Variants in B3GALT1 observed in about 807,000 individuals in gnomAD.
B3GALT1 encodes the protein UDP-Gal:betaGlcNAc beta 1,3-galactosyltransferase, polypeptide 1.
Under a neutral mutation model 23.2 loss-of-function variants are expected in B3GALT1, and 10 were observed. That is an observed-to-expected ratio of 0.43 (90% CI 0.27 to 0.73). B3GALT1 has a LOEUF of 0.73. B3GALT1 is among the 30% of genes least tolerant of loss of function. B3GALT1 has a pLI of 0.21. For missense variants in B3GALT1, 299 were observed against 405.4 expected (o/e 0.74, Z 2.25); for synonymous variants, 156 against 141.5 (o/e 1.10, Z -0.73).
intron 1 of B3GALT1, among the ~76,000 whole-genome samples, chr2:167,450,429 CTG>C (rs1202412118): frequency 6.6e-6 from 1 of 152,094 alleles, no homozygotes; most frequent in Non-Finnish European, 1.5e-5. Context: ...CTGAAAAAGA[CTG>C]TGTCTTTCCT....
intron 1 of B3GALT1, among the ~76,000 whole-genome samples, chr2:167,450,978 G>T (rs1559100996): frequency 1.3e-5 from 2 of 151,842 alleles, no homozygotes; most frequent in African/African-American, 2.4e-5. Context: ...TGCTTGTTCA[G>T]TTCTGTTAAT....
chr2:167,617,357 A>G (rs1179676413), intron 2 of B3GALT1, among the ~76,000 whole-genome samples: 4 of 152,118 alleles, frequency 2.6e-5, no homozygotes, highest in African/African-American at 7.2e-5. Context: ...CAAAACTCAC[A>G]TATTCACTCT....
At chr2:167,689,210 T>G (rs181363670) in intron 3 of B3GALT1, among the ~76,000 whole-genome samples, 85 of 150,038 alleles carry the variant, frequency 5.7e-4, no homozygotes, top group African/African-American at 1.9e-3. Flanking sequence ...CAAAACAGTT[T>G]GAATGACAGT....
At position 167,835,389 on chromosome 2, in the gene B3GALT1, C is replaced by A. The variant is rs535584264; in HGVS notation, c.-230+16596C>A. Among the ~76,000 whole-genome samples, 118 of 152,342 alleles carry A rather than the reference C, an allele frequency of 7.7e-4. 1 individual carries two copies. Among genetic ancestry groups the A allele is most frequent in the African/African-American group, 2.5e-3 (103 of 41,576 alleles). On this transcript the variant is annotated intron_variant, in intron 4 of 4. Transcript: ENST00000392690. ...CGCACCAGGAGATTATATCCTGCACCTGGCTTGGAGGGTCCTATGCCCACG... is the reference window on the plus strand; with the variant it reads ...CGCACCAGGAGATTATATCCTGCACATGGCTTGGAGGGTCCTATGCCCACG...
Position 167,404,960 on chromosome 2 carries a change from C to G in B3GALT1, c.-510-85217C>G, listed in dbSNP as rs533484203. The stretch of plus-strand genomic sequence containing the variant: ...AATTTATAAACTCATTTTGCTGTTA[C>G]GAGCACAGGAAAAAATCCCGAATGT... On this transcript the variant is annotated intron_variant, in intron 1 of 4. Coordinates refer to ENST00000392690, the MANE Select transcript of B3GALT1 (RefSeq NM_020981.4). Among the ~76,000 whole-genome samples, 12 of 152,178 alleles carry G rather than the reference C, an allele frequency of 7.9e-5. No individual in the cohort carries two copies. In the South Asian group the frequency reaches 1.5e-3, roughly 18 times the overall value.
At chr2:167,765,130 T>TA (rs1280493002) in intron 3 of B3GALT1, among the ~76,000 whole-genome samples, 3 of 152,154 alleles carry the variant, frequency 2.0e-5, no homozygotes, top group Non-Finnish European at 4.4e-5. Flanking sequence ...ATTATGATTG[T>TA]GTAAAGTGGC....
chr2:167,760,021 T>C (rs982225613), intron 3 of B3GALT1, among the ~76,000 whole-genome samples: 6 of 152,112 alleles, frequency 3.9e-5, no homozygotes, highest in African/African-American at 1.4e-4. Flanking sequence ...TTAGCTCAAG[T>C]TTTTCTATCA....
chr2:167,501,261 GT>G (rs1699844275), intron 2 of B3GALT1, among the ~76,000 whole-genome samples: 1 of 151,748 alleles, frequency 6.6e-6, no homozygotes, highest in Non-Finnish European at 1.5e-5. Flanking sequence ...GGCAAAATTT[GT>G]TTTTTTCTTT....
At chr2:167,369,761 T>C (rs1338977492) in intron 1 of B3GALT1, among the ~76,000 whole-genome samples, 1 of 152,232 alleles carries the variant, frequency 6.6e-6, no homozygotes, top group Non-Finnish European at 1.5e-5. Flanking sequence ...GGATATGTGA[T>C]ATTAAGTATA....
intron 3 of B3GALT1, among the ~76,000 whole-genome samples, chr2:167,671,505 A>G (rs1686325248): frequency 1.3e-5 from 2 of 152,196 alleles, no homozygotes; most frequent in Non-Finnish European, 2.9e-5. Flanking sequence ...CAATAAGAGA[A>G]AAACTGGAAA....
At position 167,628,426 on chromosome 2, in the gene B3GALT1, T is replaced by C. The variant is rs972193805; in HGVS notation, c.-409-18483T>C. Among the ~76,000 whole-genome samples the C allele has an allele frequency of 9.2e-5, 14 of 151,688 alleles. No individual in the cohort carries two copies. In the Admixed American group the frequency reaches 9.2e-4, roughly 10 times the overall value. Reference sequence around the variant, plus strand: ...TAGTACCATTCAATAAAAACTCAGATTGTATATCTAACCTCTACCCAAATC... The same window carrying C: ...TAGTACCATTCAATAAAAACTCAGACTGTATATCTAACCTCTACCCAAATC... On this transcript the variant is annotated intron_variant, in intron 2 of 4. Transcript: ENST00000392690.
At chr2:167,399,588 G>GT (rs959830064) in intron 1 of B3GALT1, among the ~76,000 whole-genome samples, 18 of 151,290 alleles carry the variant, frequency 1.2e-4, no homozygotes, top group African/African-American at 3.9e-4. Context: ...TTTTATTTTT[G>GT]TTTTTTTCTG....
At position 167,492,168 on chromosome 2, in the gene B3GALT1, C is replaced by T. The variant is rs565795904; in HGVS notation, c.-410+1891C>T. Among the ~76,000 whole-genome samples, 7 of 152,288 alleles carry T rather than the reference C, an allele frequency of 4.6e-5. No individual in the cohort carries two copies. The South Asian group carries it at 1.5e-3, about 32-fold the overall frequency. On this transcript the variant is annotated intron_variant, in intron 2 of 4. Transcript: ENST00000392690. ...TCCCTCCACTGAAACCTGGCAATCT[C>T]TGATCTTTTTACTCCCTCCATAGTT...
intron 2 of B3GALT1, among the ~76,000 whole-genome samples, chr2:167,572,843 G>A (rs570849133): frequency 1.8e-4 from 27 of 151,860 alleles, no homozygotes; most frequent in Non-Finnish European, 3.5e-4. Context: ...GTAGGTTGGT[G>A]AGAGATGCTG....
chr2:167,686,626 C>T (rs1187324957), intron 3 of B3GALT1, among the ~76,000 whole-genome samples: 1 of 152,180 alleles, frequency 6.6e-6, no homozygotes, highest in Admixed American at 6.5e-5. Flanking sequence ...AACTCCTCCT[C>T]AAAGCCAGTC....
intron 2 of B3GALT1, among the ~76,000 whole-genome samples, chr2:167,637,675 T>G (rs1323879220): frequency 6.6e-6 from 1 of 151,994 alleles, no homozygotes; most frequent in Non-Finnish European, 1.5e-5. Context: ...CCCTTTCTAG[T>G]ATTTGGTTAC....
chr2:167,632,484 A>G (rs1251992569), intron 2 of B3GALT1, among the ~76,000 whole-genome samples: 2 of 152,062 alleles, frequency 1.3e-5, no homozygotes, highest in Non-Finnish European at 2.9e-5. Context: ...AATGATTGCC[A>G]TTCTAACTGG....
At chr2:167,818,082 C>T (rs1558989752) in intron 3 of B3GALT1, among the ~76,000 whole-genome samples, 1 of 152,180 alleles carries the variant, frequency 6.6e-6, no homozygotes, top group Non-Finnish European at 1.5e-5. Context: ...TTGCAGAAGA[C>T]CTTAGGTAAA....
intron 2 of B3GALT1, among the ~76,000 whole-genome samples, chr2:167,561,910 T>C (rs1286785890): frequency 6.6e-6 from 1 of 152,198 alleles, no homozygotes; most frequent in Non-Finnish European, 1.5e-5. Flanking sequence ...CTTCTGAAAC[T>C]ATTCCAGTCA....
Sources: allele counts gnomAD v4.1 joint callset (sites outside exome capture counted in the v4.1 genomes callset), GRCh38; gene constraint gnomAD v4.1.1; transcripts MANE v1.5; gene names NCBI Gene and HGNC (gene_info 2026-07-23, HGNC 2026-07-21).